The following SYT1 variants were observed in gnomAD, a reference collection of about 807,000 sequenced individuals.
SYT1 encodes the protein synaptotagmin-1.
Under a neutral mutation model 44.8 loss-of-function variants are expected in SYT1, and 8 were observed. The observed-to-expected ratio is 0.18, with a 90% CI of 0.10 to 0.32. SYT1 has a LOEUF of 0.32. Ranked by LOEUF, SYT1 falls within the 10% of genes least tolerant of loss-of-function variation. SYT1 has a pLI of 1.00. For missense variants in SYT1, 286 were observed against 509.3 expected, an observed-to-expected ratio of 0.56 and a Z score of 4.22; for synonymous variants, 154 against 188.8, an observed-to-expected ratio of 0.82 and a Z score of 1.51.
intron 2 of SYT1, among the ~76,000 whole-genome samples, chr12:78,991,136 A>AT (rs1315311132): frequency 6.6e-6 from 1 of 152,092 alleles, no homozygotes; most frequent in African/African-American, 2.4e-5. Context: ...CTTTATATTA[A>AT]TTTTTATTCC....
intron 9 of SYT1, among the ~76,000 whole-genome samples, chr12:79,425,373 A>C (rs993714214): frequency 6.6e-6 from 1 of 152,160 alleles, no homozygotes; most frequent in Non-Finnish European, 1.5e-5. Flanking sequence ...TCATGTTCAC[A>C]ATGGCCTTCC....
At chr12:79,424,496 A>G (rs1036049686) in intron 9 of SYT1, among the ~76,000 whole-genome samples, 3 of 152,196 alleles carry the variant, frequency 2.0e-5, no homozygotes, top group African/African-American at 4.8e-5. Flanking sequence ...ATAAGCATAT[A>G]GACATCTGTC....
At chr12:79,023,336 C>G (rs182674418) in intron 2 of SYT1, among the ~76,000 whole-genome samples, 1 of 151,914 alleles carries the variant, frequency 6.6e-6, no homozygotes, top group Admixed American at 6.6e-5. Context: ...CTTCTGTCTC[C>G]CACAAAACCT....
intron 8 of SYT1, among the ~76,000 whole-genome samples, chr12:79,317,943 A>T (rs996829859): frequency 6.6e-6 from 1 of 152,186 alleles, no homozygotes; most frequent in African/African-American, 2.4e-5. Context: ...AATGTCAGCA[A>T]GGGTTGTAAA....
intron 9 of SYT1, chr12:79,393,689 A>T (rs1198169072): frequency 6.6e-6 from 1 of 151,950 alleles, no homozygotes; most frequent in African/African-American, 2.4e-5. Context: ...TTCTTTGTAG[A>T]TTCTGGATAT....
intron 1 of SYT1, among the ~76,000 whole-genome samples, chr12:78,911,810 C>T (rs944361618): frequency 5.9e-5 from 9 of 151,872 alleles, no homozygotes; most frequent in Non-Finnish European, 4.4e-5. Flanking sequence ...GAAACATTTG[C>T]GATTGCCTCA....
chr12:79,446,006 T>TAC (rs1565961455), intron 10 of SYT1, among the ~76,000 whole-genome samples: 1,222 of 120,276 alleles, frequency 0.01, 29 homozygotes, highest in African/African-American at 0.029. Context: ...TATATATATA[T>TAC]ATATATATAT....
chr12:78,878,192 C>T (rs141895218), intron 1 of SYT1, among the ~76,000 whole-genome samples: 6 of 151,082 alleles, frequency 4.0e-5, no homozygotes, highest in African/African-American at 1.2e-4. Context: ...AGAGGATACA[C>T]GAAAGGAATA....
chr12:79,176,955 A>G (rs1871912184), intron 3 of SYT1, among the ~76,000 whole-genome samples: 2 of 151,850 alleles, frequency 1.3e-5, no homozygotes, highest in Admixed American at 6.6e-5. Flanking sequence ...GTCCAATAAT[A>G]TTATCCAATA....
intron 2 of SYT1, among the ~76,000 whole-genome samples, chr12:79,014,343 G>A (rs1232552707): frequency 6.6e-6 from 1 of 152,048 alleles, no homozygotes; most frequent in Non-Finnish European, 1.5e-5. Flanking sequence ...TTAGAATAAT[G>A]TTTAGAATTC....
intron 2 of SYT1, among the ~76,000 whole-genome samples, chr12:79,022,136 A>G (rs1233022754): frequency 6.6e-6 from 1 of 151,834 alleles, no homozygotes; most frequent in East Asian, 1.9e-4. Flanking sequence ...CACTGAATAC[A>G]AAGTTATTTG....
chr12:79,121,799 A>G (rs1263520279), intron 3 of SYT1, among the ~76,000 whole-genome samples: 1 of 152,248 alleles, frequency 6.6e-6, no homozygotes, highest in Non-Finnish European at 1.5e-5. Context: ...GATCTTGTAT[A>G]GAGAACTCAA....
In SYT1 at chr12:79,162,337, G is replaced by GA. The variant is rs201568251; in HGVS notation, c.-17-55160dup. Among the ~76,000 whole-genome samples, 7 of 152,180 alleles carry GA rather than the reference G, an allele frequency of 4.6e-5. No homozygotes were observed. The East Asian group carries it at 1.2e-3, about 25-fold the overall frequency. ...TATTTTAAATACTATGCAAGCTAAA[G>GA]AAAAAATCCCTGTGGGCAAAATGCA... is the stretch of plus-strand genomic sequence containing the variant. On this transcript the variant is annotated intron_variant, in intron 3 of 10. Transcript: ENST00000261205.
chr12:78,926,324 T>C (rs1254878059), intron 1 of SYT1, among the ~76,000 whole-genome samples: 1 of 152,230 alleles, frequency 6.6e-6, no homozygotes, highest in East Asian at 1.9e-4. Context: ...CTGACATTGC[T>C]GCATTTTTCT....
chr12:78,878,508 C>T lies in SYT1; in HGVS notation c.-217+13399C>T, dbSNP rs116189822. ...TGGCTTCCCTTCTAACATTTGTTTA[C>T]TCTCATAGTGGTGAATAAGTTTGAA... On this transcript the variant is annotated intron_variant, in intron 1 of 10. Coordinates refer to ENST00000261205, the MANE Select transcript of SYT1 (RefSeq NM_005639.3). Among the ~76,000 whole-genome samples, 788 of 151,848 alleles carry T rather than the reference C, an allele frequency of 5.2e-3. 8 individuals carry two copies. Among genetic ancestry groups the T allele is most frequent in the African/African-American group, 0.018 (761 of 41,514 alleles).
rs865845677 is a variant in SYT1, at chr12:79,179,235, G to T, written c.-17-38268G>T. 1.3e-4 allele frequency among the ~76,000 whole-genome samples: 8 copies of T among 61,448 alleles called. 1 individual carries two copies. In the East Asian group the frequency reaches 2.2e-3, roughly 17 times the overall value. The allele number at this position is 61,448 out of a possible 152,430, so 40.3% of individuals were successfully genotyped here. On this transcript the variant is annotated intron_variant, in intron 3 of 10. Coordinates refer to ENST00000261205, the MANE Select transcript of SYT1 (RefSeq NM_005639.3). The stretch of plus-strand genomic sequence containing the variant: ...ATATAGATATATAGATATAGATATA[G>T]ATATATAGATATAGATATAGATATA...
rs1870949088 is a variant in SYT1, at chr12:79,449,832, A to AAAT, written c.*712_*714dup. 1 of 152,198 alleles carries AAAT rather than the reference A, an allele frequency of 6.6e-6. No individual in the cohort carries two copies. Among genetic ancestry groups the AAAT allele is most frequent in the Non-Finnish European group, 1.5e-5 (1 of 68,060 alleles). The allele number at this position is 152,198 out of a possible 1,614,324, so 9.4% of individuals were successfully genotyped here. On this transcript the variant is annotated 3_prime_UTR_variant, in exon 11 of 11. Transcript: ENST00000261205. The stretch of plus-strand genomic sequence containing the variant: ...CTGTCTGTACATATTTACAAAGCTA[A>AAAT]AATAATGGCTTCACTCTTATATTTG...
rs186886980 is a variant in SYT1, at chr12:79,209,180, T to C, written c.-17-8323T>C. Among the ~76,000 whole-genome samples the C allele has an allele frequency of 5.3e-5, 8 of 152,326 alleles. No individual in the cohort carries two copies. The East Asian group carries it at 1.5e-3, about 29-fold the overall frequency. ...CTTACTTCCCTCAAGAGAAATTATG[T>C]TTGAACTAGACAGAAGATACACCTC... On this transcript the variant is annotated intron_variant, in intron 3 of 10. Transcript: ENST00000261205.
chr12:78,983,361 A>G (rs1316945026), intron 2 of SYT1, among the ~76,000 whole-genome samples: 1 of 152,074 alleles, frequency 6.6e-6, no homozygotes, highest in South Asian at 2.1e-4. Context: ...CCCAGGCCTC[A>G]AAGGCATCTT....
Sources: allele counts gnomAD v4.1 joint callset (sites outside exome capture counted in the v4.1 genomes callset), GRCh38; gene constraint gnomAD v4.1.1; transcripts MANE v1.5; gene names NCBI Gene and HGNC (gene_info 2026-07-23, HGNC 2026-07-21).